MBNL2: variants seen among roughly 807,000 people sequenced by gnomAD.
MBNL2 encodes the protein muscleblind-like protein 2.
MBNL2 carries 17 observed loss-of-function variants against 41.9 expected under a neutral mutation model. The observed-to-expected ratio is 0.41, with a 90% CI of 0.28 to 0.61. The LOEUF (loss-of-function observed/expected upper bound fraction) is 0.61, where lower values mean the gene tolerates loss of function less well. Ranked by LOEUF, MBNL2 falls within the 20% of genes least tolerant of loss-of-function variation. The pLI, the probability that MBNL2 is intolerant of heterozygous loss-of-function variation, is 0.35. For missense variants in MBNL2, 336 were observed against 505.6 expected, an observed-to-expected ratio of 0.66 and a Z score of 3.22; for synonymous variants, 195 against 182.9, an observed-to-expected ratio of 1.07 and a Z score of -0.53.
In MBNL2 at chr13:97,335,789, T is replaced by C. The variant is rs1594227868; in HGVS notation, c.339+1349T>C. 4.6e-5 allele frequency among the ~76,000 whole-genome samples: 7 copies of C among 152,316 alleles called. No individual in the cohort carries two copies. In the South Asian group the frequency reaches 1.5e-3, roughly 32 times the overall value. ...GCCCAGATTAAGGACTAGACGCAGA[T>C]AGAGTTCTGAATATATTTAATCCCC... On this transcript the variant is annotated intron_variant, in intron 3 of 8. Coordinates refer to ENST00000679496, the MANE Select transcript of MBNL2 (RefSeq NM_001382683.1).
chr13:97,334,147 C>T lies in MBNL2; in HGVS notation c.175-129C>T. On this transcript the variant is annotated intron_variant, in intron 2 of 8. Coordinates refer to ENST00000679496, the MANE Select transcript of MBNL2 (RefSeq NM_001382683.1). This position sits in a 1 kb window ranked among gnomAD's most constrained non-coding sequence, Gnocchi z 5.3. ...AAACACATGAGCATGCGCGCGCACACCCACACACACACACACACACACACA... is the reference window on the plus strand; with the variant it reads ...AAACACATGAGCATGCGCGCGCACATCCACACACACACACACACACACACA... The T allele has an allele frequency of 1.6e-6, 1 of 626,254 alleles. No homozygotes were observed. Among genetic ancestry groups the T allele is most frequent in the Non-Finnish European group, 2.6e-6 (1 of 381,122 alleles). The allele number at this position is 626,254 out of a possible 1,614,324, so 38.8% of individuals were successfully genotyped here.
At chr13:97,250,119 T>G (rs1204291699) in intron 1 of MBNL2, among the ~76,000 whole-genome samples, 1 of 152,202 alleles carries the variant, frequency 6.6e-6, no homozygotes, top group East Asian at 1.9e-4. Flanking sequence ...CTTTATTTCT[T>G]TTTTCTCTCC....
At chr13:97,231,021 G>A (rs1390662375) in intron 1 of MBNL2, among the ~76,000 whole-genome samples, 2 of 152,204 alleles carry the variant, frequency 1.3e-5, no homozygotes, top group Non-Finnish European at 2.9e-5. Flanking sequence ...TTTTGGGGAT[G>A]TTACTGGTTA....
At position 97,357,492 on chromosome 13, in the gene MBNL2, C is replaced by T; in HGVS notation, c.869C>T (p.Pro290Leu). ...ATTCTTCATTTCTAGGCCTTTCCCC[C>T]TGGTGCTCTTCATCCTTTACCAAAG... is the stretch of plus-strand genomic sequence containing the variant. ...LEATVDLAFP[P>L]GALHPLPKRQ... Residue 290 changes from proline to leucine, a missense_variant, in exon 7 of 9, where the codon CCT becomes CTT. Transcript: ENST00000679496. 1 of 1,614,096 alleles carries T rather than the reference C, an allele frequency of 6.2e-7. No individual in the cohort carries two copies. Among genetic ancestry groups the T allele is most frequent in the South Asian group, 1.1e-5 (1 of 91,082 alleles).
At chr13:97,244,733 T>C (rs2045098114) in intron 1 of MBNL2, among the ~76,000 whole-genome samples, 1 of 152,236 alleles carries the variant, frequency 6.6e-6, no homozygotes, top group Non-Finnish European at 1.5e-5. Flanking sequence ...AGAAATCAGT[T>C]CTGGGTACAT....
the MBNL2 span, among the ~76,000 whole-genome samples, chr13:97,193,882 C>G: frequency 2.6e-5 from 4 of 152,310 alleles, no homozygotes; most frequent in African/African-American, 9.6e-5. Flanking sequence ...CTGATCACAC[C>G]TCCCACATCA....
At chr13:97,256,309 A>G (rs549509529) in intron 1 of MBNL2, among the ~76,000 whole-genome samples, 2 of 149,860 alleles carry the variant, frequency 1.3e-5, no homozygotes, top group South Asian at 4.2e-4. Context: ...ACTTTAAGTA[A>G]AAAAAAAAAC....
Position 97,276,357 on chromosome 13 carries a change from A to C in MBNL2, c.122A>C (p.Lys41Thr). Residue 41 changes from lysine to threonine, a missense_variant, in exon 2 of 9, where the codon AAA (lysine) becomes ACA (threonine). Lys to Thr is a moderately conservative substitution (Grantham distance 78). Transcript: ENST00000679496. The stretch of plus-strand genomic sequence containing the variant: ...GAATGCAAATTTGCTCATCCCCCCA[A>C]AAGTTGTCAGGTTGAAAATGGAAGA... ...DEECKFAHPP[K>T]SCQVENGRVI... 1 of 1,614,058 alleles carries C rather than the reference A, an allele frequency of 6.2e-7. No homozygotes were observed. Among genetic ancestry groups the C allele is most frequent in the Non-Finnish European group, 8.5e-7 (1 of 1,179,968 alleles).
In MBNL2 at chr13:97,350,679, C is replaced by T. The variant is rs78350074; in HGVS notation, c.804+3612C>T. Among the ~76,000 whole-genome samples, 11 of 152,306 alleles carry T rather than the reference C, an allele frequency of 7.2e-5. No individual in the cohort carries two copies. The East Asian group carries it at 1.4e-3, about 19-fold the overall frequency. The stretch of plus-strand genomic sequence containing the variant: ...CTACTTTCTTTGCTGCTCCATAAAG[C>T]GACTCCTCAACCATTAAAGTTTTAT... On this transcript the variant is annotated intron_variant, in intron 5 of 8. Coordinates refer to ENST00000679496, the MANE Select transcript of MBNL2 (RefSeq NM_001382683.1).
intron 1 of MBNL2, among the ~76,000 whole-genome samples, chr13:97,234,213 C>T (rs894638575): frequency 4.6e-5 from 7 of 152,214 alleles, no homozygotes; most frequent in African/African-American, 1.2e-4. Flanking sequence ...CTGCACTCTT[C>T]ATCCTTGTTC....
chr13:97,231,244 C>T (rs2042341147), intron 1 of MBNL2, among the ~76,000 whole-genome samples: 1 of 152,186 alleles, frequency 6.6e-6, no homozygotes, highest in Non-Finnish European at 1.5e-5. Context: ...CCATAAGTAA[C>T]CAGACAGCAC....
At chr13:97,372,050 T>G (rs963093855) in intron 8 of MBNL2, among the ~76,000 whole-genome samples, 1 of 151,968 alleles carries the variant, frequency 6.6e-6, no homozygotes, top group African/African-American at 2.4e-5. Context: ...AGGTGTAGAG[T>G]CAATGCATAT....
intron 8 of MBNL2, among the ~76,000 whole-genome samples, chr13:97,371,315 A>G (rs943620436): frequency 1.3e-5 from 2 of 152,128 alleles, no homozygotes; most frequent in Non-Finnish European, 2.9e-5. Flanking sequence ...TTCCCTGAAC[A>G]TCTCTCTCCT....
At chr13:97,281,578 G>A (rs1269772142) in intron 2 of MBNL2, among the ~76,000 whole-genome samples, 3 of 152,158 alleles carry the variant, frequency 2.0e-5, no homozygotes, top group Non-Finnish European at 4.4e-5. Flanking sequence ...TATGTAATTT[G>A]CCAAGACCTT....
rs755548360 is a variant in MBNL2 at position 97,347,043 on chromosome 13, A to AGCCGCG, written c.790_795dup (p.Ala264_Ala265dup). On this transcript the variant is annotated inframe_insertion, in exon 5 of 9. Transcript: ENST00000679496. ...ACCAAGCTGCGGTGGCCGCCCAGGC[A>AGCCGCG]GCCGCGGCCGCGGCCACAGTCATGG... The AGCCGCG allele has an allele frequency of 9.3e-6, 15 of 1,607,930 alleles. No homozygotes were observed. Among genetic ancestry groups the AGCCGCG allele is most frequent in the Non-Finnish European group, 1.2e-5 (14 of 1,177,576 alleles).
the MBNL2 span, among the ~76,000 whole-genome samples, chr13:97,200,144 G>A: frequency 1.3e-5 from 2 of 152,192 alleles, no homozygotes; most frequent in Non-Finnish European, 2.9e-5. Context: ...CCATGCTGTG[G>A]GCCACTTGCT....
intron 2 of MBNL2, among the ~76,000 whole-genome samples, chr13:97,287,611 A>G (rs2054741428): frequency 6.6e-6 from 1 of 151,872 alleles, no homozygotes; most frequent in Non-Finnish European, 1.5e-5. Flanking sequence ...TATTCCCCCG[A>G]TCTAGCTGTA....
At chr13:97,263,811 T>C (rs1299724364) in intron 1 of MBNL2, among the ~76,000 whole-genome samples, 1 of 151,898 alleles carries the variant, frequency 6.6e-6, no homozygotes, top group East Asian at 1.9e-4. Flanking sequence ...AGAGACGGGA[T>C]TTCATCATGT....
the MBNL2 span, among the ~76,000 whole-genome samples, chr13:97,163,045 G>A: frequency 1.3e-5 from 2 of 152,118 alleles, no homozygotes; most frequent in African/African-American, 4.8e-5. Context: ...GCAGAGTGAT[G>A]GGATTTGTAG....
Sources: allele counts gnomAD v4.1 joint callset (sites outside exome capture counted in the v4.1 genomes callset), GRCh38; gene constraint gnomAD v4.1.1; non-coding constraint Gnocchi (gnomAD v3.1); transcripts MANE v1.5; gene names NCBI Gene and HGNC (gene_info 2026-07-23, HGNC 2026-07-21).